Variants in YME1L1 observed in about 807,000 individuals in gnomAD.
YME1L1 encodes the protein YME1 like 1 ATPase, also known as ATP-dependent zinc metalloprotease YME1L1.
Under a neutral mutation model 90.4 loss-of-function variants are expected in YME1L1, and 39 were observed. The ratio of observed to expected loss-of-function variants is 0.43; its 90% CI spans 0.33 to 0.56. YME1L1 has a LOEUF of 0.56. Among genes scored for constraint, YME1L1 ranks in the 20% least tolerant of loss-of-function variants. The probability of loss-of-function intolerance (pLI) is 0.03; values close to 1 mark genes in which losing one functional copy is unlikely to be tolerated. For synonymous variants in YME1L1, 284 were observed against 287.3 expected, an observed-to-expected ratio of 0.99 and a Z score of 0.12; for missense variants, 617 against 868.4, an observed-to-expected ratio of 0.71 and a Z score of 3.64.
Position 27,114,622 on chromosome 10 carries a change from A to T in YME1L1, c.1921-15T>A. The T allele has an allele frequency of 6.2e-7, 1 of 1,603,162 alleles. No homozygotes were observed. The highest frequency in any genetic ancestry group is 8.5e-7 in the Non-Finnish European group (1 of 1,174,340). ...ATAACTCCAAGCTAAAACCAAAAGG[A>T]AGAAAGTAATTGAACAGAAAACCCC... On this transcript the variant is annotated splice_polypyrimidine_tract_variant and intron_variant, in intron 17 of 18. Coordinates refer to ENST00000376016, the MANE Select transcript of YME1L1 (RefSeq NM_014263.4).
chr10:27,139,628 G>A (rs1015994255), intron 4 of YME1L1, among the ~76,000 whole-genome samples: 3 of 151,920 alleles, frequency 2.0e-5, no homozygotes, highest in African/African-American at 7.3e-5. Context: ...TGGGGCAAAG[G>A]GACAATATTT....
Position 27,154,295 on chromosome 10 carries a change from CT to C in YME1L1, c.-86del. 1 of 1,491,432 alleles carries C rather than the reference CT, an allele frequency of 6.7e-7. No individual in the cohort carries two copies. 92.4% of individuals were successfully genotyped at this position (1,491,432 alleles called of 1,614,324 possible). A position where few individuals can be genotyped will look rare whatever the true frequency, so the allele number is the denominator to read the frequency against. ...CCCGGCGGGGAGGCGCTGAGCCCTT[CT>C]TTTTTCCTTTTTCTCCGACCCGTTG... On this transcript the variant is annotated 5_prime_UTR_variant, in exon 1 of 19. Coordinates refer to ENST00000376016, the MANE Select transcript of YME1L1 (RefSeq NM_014263.4).
At chr10:27,113,864 A>G (rs1204747075) in intron 18 of YME1L1, among the ~76,000 whole-genome samples, 1 of 151,312 alleles carries the variant, frequency 6.6e-6, no homozygotes, top group Admixed American at 6.6e-5. Flanking sequence ...ACCAACAATA[A>G]AACACCTACT....
At chr10:27,123,099 A>G in intron 10 of YME1L1, 126 bp from the exon 11 acceptor site, 2 of 1,223,042 alleles carry the variant, frequency 1.6e-6, no homozygotes, top group South Asian at 1.5e-5. Flanking sequence ...AAAGAAAAGG[A>G]CGTCATTTTT....
chr10:27,115,065 G>T (rs1174665208), intron 17 of YME1L1, among the ~76,000 whole-genome samples: 1 of 151,536 alleles, frequency 6.6e-6, no homozygotes, highest in Non-Finnish European at 1.5e-5. Flanking sequence ...TGAGGGCAAA[G>T]AAATTTCCAC....
chr10:27,136,154 CTTA>C, intron 5 of YME1L1, 119 bp downstream of exon 5: 1 of 786,468 alleles, frequency 1.3e-6, no homozygotes, highest in Non-Finnish European at 2.1e-6. Context: ...TTACTAATCC[CTTA>C]TTATTAGTGG....
chr10:27,120,692 C>T (rs1355079577), intron 12 of YME1L1, 145 bp from the exon 13 acceptor site: 16 of 587,196 alleles, frequency 2.7e-5, no homozygotes, highest in Non-Finnish European at 1.5e-5. Flanking sequence ...CAGATAGTTC[C>T]TTTAAAACAT....
In YME1L1 at chr10:27,144,593, A is replaced by C. The variant is rs910420017; in HGVS notation, c.331+835T>G. On this transcript the variant is annotated intron_variant, in intron 3 of 18. Coordinates refer to ENST00000376016, the MANE Select transcript of YME1L1 (RefSeq NM_014263.4). ...TACTGTTATGAGATTCAAGTAAAAAAAAATGTAGACATTCCACAAAAGGGA... is the reference window on the plus strand; with the variant it reads ...TACTGTTATGAGATTCAAGTAAAAACAAATGTAGACATTCCACAAAAGGGA... Among the ~76,000 whole-genome samples the C allele has an allele frequency of 2.0e-5, 3 of 152,214 alleles. No individual in the cohort carries two copies. In the East Asian group the frequency reaches 5.8e-4, roughly 29 times the overall value.
rs543487566 is a variant in YME1L1, at chr10:27,145,385, AGTGCTAAAAT to A, written c.331+33_331+42del. 512 of 1,464,780 alleles carry A rather than the reference AGTGCTAAAAT, an allele frequency of 3.5e-4. No individual in the cohort carries two copies. The African/African-American group carries it at 6.5e-3, about 19-fold the overall frequency. 90.7% of individuals were successfully genotyped at this position (1,464,780 alleles called of 1,614,324 possible). ...AGAAATGGTATCTATAATTATTAATAGTGCTAAAATATTTAATTGGAACAAAAAACACATT... is the reference window on the plus strand; with the variant it reads ...AGAAATGGTATCTATAATTATTAATAATTTAATTGGAACAAAAAACACATT... On this transcript the variant is annotated intron_variant, in intron 3 of 18. Coordinates refer to ENST00000376016, the MANE Select transcript of YME1L1 (RefSeq NM_014263.4).
intron 1 of YME1L1, among the ~76,000 whole-genome samples, chr10:27,150,960 T>C (rs117661146): frequency 0.011 from 1,674 of 149,092 alleles, 16 homozygotes; most frequent in Non-Finnish European, 0.019. Context: ...GAATCTCGCT[T>C]TGTCGCCCAG....
chr10:27,130,940 CTT>C (rs1324992781), intron 8 of YME1L1, among the ~76,000 whole-genome samples: 1 of 152,202 alleles, frequency 6.6e-6, no homozygotes. Flanking sequence ...TTTGACTCCT[CTT>C]TTCTCTTACA....
At chr10:27,147,210 T>C (rs987831781) in intron 2 of YME1L1, 4 of 593,412 alleles carry the variant, frequency 6.7e-6, no homozygotes, top group African/African-American at 5.6e-5. Context: ...GAAGATAGAC[T>C]GGCCTAGCAT....
In YME1L1 at chr10:27,110,291, T is replaced by C. The variant is rs2056746828; in HGVS notation, c.*1686A>G. ...AATGATAACAACTGGTAAATCTGGA[T>C]GCAGGGTATATGAGACATCCATGTA... On this transcript the variant is annotated 3_prime_UTR_variant, in exon 19 of 19. Coordinates refer to ENST00000376016, the MANE Select transcript of YME1L1 (RefSeq NM_014263.4). The C allele has an allele frequency of 6.6e-6, 1 of 152,226 alleles. No homozygotes were observed. The highest frequency in any genetic ancestry group is 6.5e-5 in the Admixed American group (1 of 15,272). 9.4% of individuals were successfully genotyped at this position (152,226 alleles called of 1,614,324 possible).
At chr10:27,150,121 G>A (rs1266388766) in intron 1 of YME1L1, among the ~76,000 whole-genome samples, 1 of 151,528 alleles carries the variant, frequency 6.6e-6, no homozygotes, top group East Asian at 1.9e-4. Flanking sequence ...AAACACTTGA[G>A]CCCAGGAAGT....
Position 27,112,073 on chromosome 10 carries a change from C to T in YME1L1, c.2055G>A (p.Glu685=). ...AKHILKTHAK[E]HKNLAEALLT... is the part of the protein sequence containing the mutation. ...ATAAAGCTTCTGCGAGATTCTTATG[C>T]TCCTTTGCATGAGTTTTCAAGATAT... is the stretch of plus-strand genomic sequence containing the variant. Residue 685 remains glutamate, a synonymous_variant, in exon 19 of 19, where the codon GAG becomes GAA. Transcript: ENST00000376016. 1 of 1,614,050 alleles carries T rather than the reference C, an allele frequency of 6.2e-7. No individual in the cohort carries two copies. The highest frequency in any genetic ancestry group is 8.5e-7 in the Non-Finnish European group (1 of 1,179,982).
At chr10:27,125,526 G>A (rs1357581111) in intron 9 of YME1L1, among the ~76,000 whole-genome samples, 3 of 151,130 alleles carry the variant, frequency 2.0e-5, no homozygotes, top group South Asian at 4.2e-4. Flanking sequence ...GTCCTGAACT[G>A]GGGAAGTGGG....
In YME1L1 at chr10:27,142,489, G is replaced by C. The variant is rs772057164; in HGVS notation, c.332-4C>G. The C allele has an allele frequency of 7.1e-7, 1 of 1,399,284 alleles. No individual in the cohort carries two copies. The highest frequency in any genetic ancestry group is 9.4e-7 in the Non-Finnish European group (1 of 1,059,028). The allele number at this position is 1,399,284 out of a possible 1,614,324, so 86.7% of individuals were successfully genotyped here. The stretch of plus-strand genomic sequence containing the variant: ...GTACTAAATATATCTAAGTTACCTG[G>C]AGGGAAATTGCAAAAAGTAAATTTT... On this transcript the variant is annotated splice_region_variant and splice_polypyrimidine_tract_variant and intron_variant, in intron 3 of 18. Coordinates refer to ENST00000376016, the MANE Select transcript of YME1L1 (RefSeq NM_014263.4).
chr10:27,135,019 C>T (rs755178430), intron 5 of YME1L1, 38 bp from the exon 6 acceptor site: 2 of 1,564,770 alleles, frequency 1.3e-6, no homozygotes, highest in Non-Finnish European at 1.7e-6. Context: ...TGGTTAACAA[C>T]ACAGTGATAC....
intron 1 of YME1L1, 69 bp from the exon 2 acceptor site, chr10:27,149,109 G>C: frequency 2.9e-6 from 4 of 1,370,652 alleles, no homozygotes; most frequent in Non-Finnish European, 4.0e-6. Flanking sequence ...TCCTTTTTTT[G>C]TCAGGATTTG....
Sources: gnomAD v4.1 joint callset for allele counts (sites outside exome capture counted in the v4.1 genomes callset) on GRCh38, gnomAD v4.1.1 for gene constraint, MANE v1.5 for transcripts, NCBI Gene and HGNC (gene_info 2026-07-23, HGNC 2026-07-21) for gene names.